LRMDA: variants seen among roughly 807,000 people sequenced by gnomAD.
LRMDA encodes the protein leucine-rich melanocyte differentiation-associated protein.
LRMDA carries 18 observed loss-of-function variants against 29.8 expected under a neutral mutation model. The ratio of observed to expected loss-of-function variants is 0.60; its 90% CI spans 0.42 to 0.90. The LOEUF is 0.90. LRMDA is among the 40% of genes least tolerant of loss of function. The pLI, the probability that LRMDA is intolerant of heterozygous loss-of-function variation, is 0.00. For missense variants in LRMDA, 273 were observed against 273.9 expected, an observed-to-expected ratio of 1.00 and a Z score of 0.02; for synonymous variants, 125 against 109.4, an observed-to-expected ratio of 1.14 and a Z score of -0.89.
chr10:76,471,875 C>T (rs1182872963), intron 6 of LRMDA, among the ~76,000 whole-genome samples: 1 of 151,598 alleles, frequency 6.6e-6, no homozygotes, highest in East Asian at 1.9e-4. Flanking sequence ...GTATGTAAAA[C>T]AATCATAAAC....
chr10:75,467,738 A>G (rs905916233), intron 2 of LRMDA, among the ~76,000 whole-genome samples: 3 of 152,064 alleles, frequency 2.0e-5, no homozygotes, highest in Admixed American at 1.3e-4. Flanking sequence ...CGAGGTGGGC[A>G]GATCATGAGG....
rs200504752 is a variant in LRMDA, at chr10:75,672,378, C to CTG, written c.131+233894_131+233895dup. Among the ~76,000 whole-genome samples, 12 of 151,660 alleles carry CTG rather than the reference C, an allele frequency of 7.9e-5. No homozygotes were observed. The East Asian group carries it at 2.2e-3, about 27-fold the overall frequency. On this transcript the variant is annotated intron_variant, in intron 2 of 6. Coordinates refer to ENST00000611255, the MANE Select transcript of LRMDA (RefSeq NM_001305581.2). ...AATAATGACTCAAATATTATTTTCT[C>CTG]TGTGTGTGTGTCTGCAAGGCTGCTT...
intron 5 of LRMDA, among the ~76,000 whole-genome samples, chr10:76,246,178 G>A (rs1200915477): frequency 1.3e-5 from 2 of 152,106 alleles, no homozygotes; most frequent in Middle Eastern, 3.2e-3. Context: ...TACTACTGCT[G>A]GTGTTATTTG....
intron 2 of LRMDA, among the ~76,000 whole-genome samples, chr10:75,849,729 G>T (rs1844699792): frequency 6.6e-6 from 1 of 151,970 alleles, no homozygotes; most frequent in Non-Finnish European, 1.5e-5. Context: ...TAACAAACTT[G>T]CACATCCTGT....
At chr10:75,652,088 C>T (rs575576739) in intron 2 of LRMDA, among the ~76,000 whole-genome samples, 3 of 152,288 alleles carry the variant, frequency 2.0e-5, no homozygotes, top group Non-Finnish European at 2.9e-5. Flanking sequence ...CAATAGTTAC[C>T]ACCATCTTGT....
rs201269402 is a variant in LRMDA, at chr10:75,697,850, T to C, written c.131+259356T>C. On this transcript the variant is annotated intron_variant, in intron 2 of 6. Coordinates refer to ENST00000611255, the MANE Select transcript of LRMDA (RefSeq NM_001305581.2). Reference sequence around the variant, plus strand: ...GCATGTAAGAGTGTGTGTGTGTGTGTGCGTGTGTGTGTGTGTCTCATTCGC... The same window carrying C: ...GCATGTAAGAGTGTGTGTGTGTGTGCGCGTGTGTGTGTGTGTCTCATTCGC... Among the ~76,000 whole-genome samples, 23 of 151,704 alleles carry C rather than the reference T, an allele frequency of 1.5e-4. No individual in the cohort carries two copies. The South Asian group carries it at 2.5e-3, about 17-fold the overall frequency.
chr10:76,083,670 AAAAC>A (rs763857563), intron 5 of LRMDA, among the ~76,000 whole-genome samples: 8 of 152,148 alleles, frequency 5.3e-5, no homozygotes, highest in Non-Finnish European at 7.3e-5. Context: ...CTCTACTAAA[AAAAC>A]AAACAAAAAA....
At chr10:75,804,180 A>G (rs1390484456) in intron 2 of LRMDA, among the ~76,000 whole-genome samples, 2 of 152,180 alleles carry the variant, frequency 1.3e-5, no homozygotes, top group African/African-American at 4.8e-5. Flanking sequence ...TCTTGATTTT[A>G]TAGCTGAAAA....
intron 2 of LRMDA, among the ~76,000 whole-genome samples, chr10:75,519,789 A>G (rs1845334745): frequency 6.6e-6 from 1 of 152,140 alleles, no homozygotes; most frequent in Admixed American, 6.5e-5. Flanking sequence ...TGGTCTTTAA[A>G]TTTGGCATGT....
intron 2 of LRMDA, among the ~76,000 whole-genome samples, chr10:75,826,849 C>G: frequency 6.6e-6 from 1 of 152,082 alleles, no homozygotes; most frequent in East Asian, 1.9e-4. Flanking sequence ...CACCAAAGAA[C>G]TCTTGGTTTG....
At chr10:76,365,885 G>T (rs1396030818) in intron 6 of LRMDA, among the ~76,000 whole-genome samples, 1 of 152,136 alleles carries the variant, frequency 6.6e-6, no homozygotes, top group Non-Finnish European at 1.5e-5. Context: ...TCAGGTCTTA[G>T]GTTTAAGTCC....
chr10:75,593,798 T>G (rs371047007), intron 2 of LRMDA, among the ~76,000 whole-genome samples: 2 of 151,620 alleles, frequency 1.3e-5, no homozygotes, highest in East Asian at 3.9e-4. Context: ...TCTCCCGCCT[T>G]GCCCCTTGGG....
chr10:76,432,678 T>C (rs1203767010), intron 6 of LRMDA, among the ~76,000 whole-genome samples: 1 of 152,220 alleles, frequency 6.6e-6, no homozygotes, highest in South Asian at 2.1e-4. Flanking sequence ...CAAGCATCAG[T>C]GATCTAGTCC....
intron 5 of LRMDA, among the ~76,000 whole-genome samples, chr10:76,068,419 TG>T (rs1173959633): frequency 3.3e-5 from 5 of 151,962 alleles, no homozygotes; most frequent in Admixed American, 6.5e-5. Flanking sequence ...TTCCACAGAC[TG>T]GGGGTGGGGA....
At chr10:76,449,098 T>A (rs1241829981) in intron 6 of LRMDA, among the ~76,000 whole-genome samples, 1 of 151,908 alleles carries the variant, frequency 6.6e-6, no homozygotes, top group Non-Finnish European at 1.5e-5. Context: ...AATTGACAAA[T>A]TTTAAAATGC....
At chr10:75,986,391 A>G (rs1054618215) in intron 2 of LRMDA, among the ~76,000 whole-genome samples, 1 of 152,234 alleles carries the variant, frequency 6.6e-6, no homozygotes, top group African/African-American at 2.4e-5. Context: ...AGAAACAACA[A>G]TTTGTGTCTT....
chr10:76,035,341 A>G (rs1848223000), intron 2 of LRMDA, among the ~76,000 whole-genome samples: 1 of 152,122 alleles, frequency 6.6e-6, no homozygotes, highest in Non-Finnish European at 1.5e-5. Context: ...GCCCTCTCAG[A>G]TCGGAGTGAT....
chr10:76,089,964 A>G (rs1414553214), intron 5 of LRMDA, among the ~76,000 whole-genome samples: 3 of 152,236 alleles, frequency 2.0e-5, no homozygotes, highest in Non-Finnish European at 4.4e-5. Context: ...ATGTTTTCAG[A>G]TTTAGAACAG....
intron 6 of LRMDA, among the ~76,000 whole-genome samples, chr10:76,428,181 G>A (rs1358656614): frequency 6.6e-6 from 1 of 152,140 alleles, no homozygotes; most frequent in Non-Finnish European, 1.5e-5. Flanking sequence ...AGTTTCTGGA[G>A]TTTAGAAGTC....
Sources: gnomAD v4.1 joint callset for allele counts (sites outside exome capture counted in the v4.1 genomes callset) on GRCh38, gnomAD v4.1.1 for gene constraint, MANE v1.5 for transcripts, NCBI Gene and HGNC (gene_info 2026-07-23, HGNC 2026-07-21) for gene names.